TMEM176A: variants seen among roughly 807,000 people sequenced by gnomAD.
The protein encoded by TMEM176A is transmembrane protein 176A.
Under a neutral mutation model 27.9 loss-of-function variants are expected in TMEM176A, and 20 were observed. The observed-to-expected ratio is 0.72, with a 90% confidence interval of 0.50 to 1.04. The LOEUF (loss-of-function observed/expected upper bound fraction) is 1.04, where lower values mean the gene tolerates loss of function less well. Ranked by LOEUF, TMEM176A falls within the 50% of genes least tolerant of loss-of-function variation. TMEM176A has a pLI of 0.00. For missense variants in TMEM176A, 252 were observed against 289.1 expected, an observed-to-expected ratio of 0.87 and a Z score of 0.93; for synonymous variants, 125 against 118.0, an observed-to-expected ratio of 1.06 and a Z score of -0.38.
At chr7:150,802,436 G>A (rs1411204980) in intron 3 of TMEM176A, 111 bp downstream of exon 3, 4 of 983,802 alleles carry the variant, frequency 4.1e-6, no homozygotes, top group East Asian at 2.6e-5. Context: ...GGAGAGATCT[G>A]ATTATCTAGG....
At chr7:150,801,247 G>T in intron 1 of TMEM176A, 1 of 283,356 alleles carries the variant, frequency 3.5e-6, no homozygotes, top group Non-Finnish European at 6.5e-6. Context: ...GTGGGGCGCT[G>T]CTTGACCCAG....
chr7:150,804,604 C>T, intron 6 of TMEM176A, 132 bp downstream of exon 6: 1 of 926,664 alleles, frequency 1.1e-6, no homozygotes, highest in Non-Finnish European at 1.7e-6. Context: ...TCATGCCTGT[C>T]TTTCTACCCA....
chr7:150,804,656 G>C, intron 6 of TMEM176A, 171 bp from the exon 7 acceptor site: 1 of 866,436 alleles, frequency 1.2e-6, no homozygotes. Flanking sequence ...CAACCAAGTG[G>C]CCCCCAAGTC....
chr7:150,802,342 A>C lies in TMEM176A; in HGVS notation c.285+17A>C. 6.2e-7 allele frequency: 1 copy of C among 1,607,880 alleles called. No individual in the cohort carries two copies. The highest frequency in any genetic ancestry group is 8.5e-7 in the Non-Finnish European group (1 of 1,174,722). On this transcript the variant is annotated intron_variant, in intron 3 of 6. Coordinates refer to ENST00000004103, the MANE Select transcript of TMEM176A (RefSeq NM_018487.3). ...GGGGCTGTGGTGAGTAGAGCAGGAC[A>C]GTGCTTGACTGCCTGTGAGAGGGGT...
chr7:150,804,251 G>T, intron 5 of TMEM176A, 111 bp from the exon 6 acceptor site: 1 of 833,960 alleles, frequency 1.2e-6, no homozygotes, highest in South Asian at 1.6e-5. Context: ...CAGAAGCCAC[G>T]AACTTGGAGA....
In TMEM176A at chr7:150,803,613, T is replaced by C. The variant is rs755990346; in HGVS notation, c.343-7T>C. ...CAAAGATTTCTCTCTGCCTCCTCCC[T>C]CCCCAGGCCCTGCTGAGGACTCTGC... On this transcript the variant is annotated splice_polypyrimidine_tract_variant and splice_region_variant and intron_variant, in intron 4 of 6. Transcript: ENST00000004103. 1 of 1,613,458 alleles carries C rather than the reference T, an allele frequency of 6.2e-7. No homozygotes were observed.
intron 3 of TMEM176A, 160 bp from the exon 4 acceptor site, chr7:150,803,240 C>A: frequency 7.3e-7 from 1 of 1,369,638 alleles, no homozygotes; most frequent in South Asian, 2.0e-5. Flanking sequence ...TGGATCCAGG[C>A]TCCACCCTCT....
intron 5 of TMEM176A, among the ~76,000 whole-genome samples, 163 bp downstream of exon 5, chr7:150,803,995 C>T (rs969383739): frequency 1.3e-5 from 2 of 152,192 alleles, no homozygotes; most frequent in African/African-American, 4.8e-5. Context: ...AGAAATGGCT[C>T]CTGTAGGGTG....
At chr7:150,801,506 C>G (rs764327695) in intron 1 of TMEM176A, 30 bp from the exon 2 acceptor site, 11 of 1,540,156 alleles carry the variant, frequency 7.1e-6, no homozygotes, top group Middle Eastern at 1.8e-4. Flanking sequence ...TTCTGACAGC[C>G]GTTCCTCTCT....
intron 1 of TMEM176A, chr7:150,801,052 G>C: frequency 1.1e-6 from 1 of 949,624 alleles, no homozygotes; most frequent in African/African-American, 1.8e-5. Flanking sequence ...TCGGGCGTGA[G>C]CAGCAGTCGG....
chr7:150,801,834 C>A, intron 2 of TMEM176A, 110 bp downstream of exon 2: 1 of 1,093,884 alleles, frequency 9.1e-7, no homozygotes, highest in Non-Finnish European at 1.3e-6. Context: ...CCAGTTATGT[C>A]TTCTTACTTA....
At chr7:150,802,479 C>A in intron 3 of TMEM176A, 154 bp downstream of exon 3, 3 of 751,296 alleles carry the variant, frequency 4.0e-6, no homozygotes, top group Non-Finnish European at 6.5e-6. Context: ...GAGCAAACAG[C>A]TGAGGGCGGT....
chr7:150,804,445 C>T lies in TMEM176A; in HGVS notation c.639C>T (p.Tyr213=). 6.2e-7 allele frequency: 1 copy of T among 1,614,132 alleles called. No homozygotes were observed. Residue 213 remains tyrosine, a synonymous_variant, in exon 6 of 7, where the codon TAC becomes TAT. Coordinates refer to ENST00000004103, the MANE Select transcript of TMEM176A (RefSeq NM_018487.3). ...LLASLTPLWL[Y]CWRMFPTKGK... ...CATCTCTGACCCCTCTGTGGCTGTA[C>T]TGCTGGAGAATGTTCCCAACCAAAG...
rs1798832053 is a variant in TMEM176A, at chr7:150,802,466, G to A, written c.285+141G>A. 6.5e-5 allele frequency: 52 copies of A among 805,438 alleles called. 1 individual carries two copies. The South Asian group carries it at 8.9e-4, about 14-fold the overall frequency. The allele number at this position is 805,438 out of a possible 1,614,324, so 49.9% of individuals were successfully genotyped here. A position where few individuals can be genotyped will look rare whatever the true frequency, so the allele number is the denominator to read the frequency against. ...TCTAGGACCATTCCCTGCCTGTTCA[G>A]ATGAGCAAACAGCTGAGGGCGGTGG... On this transcript the variant is annotated intron_variant, in intron 3 of 6. Transcript: ENST00000004103.
At position 150,803,764 on chromosome 7, in the gene TMEM176A, GC is replaced by G; in HGVS notation, c.492del (p.Thr165LeufsTer20). On this transcript the variant is annotated frameshift_variant, in exon 5 of 7. Coordinates refer to ENST00000004103, the MANE Select transcript of TMEM176A (RefSeq NM_018487.3). LOFTEE classifies it high-confidence loss of function. ...CAGCTCGAGTGACTGGAACACTCCA[GC>G]CCCCACTCAGAGTCCAGAAGAAGTC... ...ISSSSDWNTPAPTQSPEEVRR... is the reference protein window; with the variant it reads ...ISSSSDWNTPXPTQSPEEVRR... 6.2e-7 allele frequency: 1 copy of G among 1,614,130 alleles called. No homozygotes were observed. Among genetic ancestry groups the G allele is most frequent in the Non-Finnish European group, 8.5e-7 (1 of 1,180,032 alleles).
At chr7:150,802,426 G>A (rs1798830764) in intron 3 of TMEM176A, 101 bp downstream of exon 3, 14 of 1,060,548 alleles carry the variant, frequency 1.3e-5, no homozygotes, top group Admixed American at 2.0e-5. Flanking sequence ...GCTGGCAGTC[G>A]GAGAGATCTG....
chr7:150,804,762 C>G, intron 6 of TMEM176A, 65 bp from the exon 7 acceptor site: 1 of 1,535,078 alleles, frequency 6.5e-7, no homozygotes, highest in South Asian at 1.1e-5. Context: ...CTAAGCTGCC[C>G]CTGGAGGAGA....
Position 150,803,393 on chromosome 7 carries a change from TC to T in TMEM176A, c.286-3del. On this transcript the variant is annotated splice_region_variant and splice_polypyrimidine_tract_variant and intron_variant, in intron 3 of 6. Transcript: ENST00000004103. The stretch of plus-strand genomic sequence containing the variant: ...CTAAGCCTGCTCCTGGCTCAATCTC[TC>T]CCCAGGCTGTGCTGGCTGGAGCTGC... 1 of 1,569,654 alleles carries T rather than the reference TC, an allele frequency of 6.4e-7. No homozygotes were observed. The highest frequency in any genetic ancestry group is 8.6e-7 in the Non-Finnish European group (1 of 1,161,940).
chr7:150,803,547 C>T (rs1157424549), intron 4 of TMEM176A, 73 bp from the exon 5 acceptor site: 1 of 1,588,998 alleles, frequency 6.3e-7, no homozygotes, highest in East Asian at 2.2e-5. Context: ...CTGGGCCTTG[C>T]CCTTTTTTCC....
Sources: allele counts gnomAD v4.1 joint callset (sites outside exome capture counted in the v4.1 genomes callset), GRCh38; gene constraint gnomAD v4.1.1; transcripts MANE v1.5; gene names NCBI Gene and HGNC (gene_info 2026-07-23, HGNC 2026-07-21).